The following CNTN5 variants were observed in gnomAD, a reference collection of about 807,000 sequenced individuals.
CNTN5 encodes the protein contactin 5, also known as contactin-5.
A neutral mutation model predicts 129.1 loss-of-function variants in CNTN5; 77 were observed. The ratio of observed to expected loss-of-function variants is 0.60; its 90% confidence interval spans 0.50 to 0.72. The LOEUF is 0.72. CNTN5 is among the 30% of genes least tolerant of loss of function. The pLI is 0.00. For missense variants in CNTN5, 1,478 were observed against 1,328.8 expected, an observed-to-expected ratio of 1.11 and a Z score of -1.75; for synonymous variants, 509 against 465.6, an observed-to-expected ratio of 1.09 and a Z score of -1.20.
intron 2 of CNTN5, among the ~76,000 whole-genome samples, chr11:99,374,742 TA>T (rs1301762772): frequency 6.6e-6 from 1 of 151,540 alleles, no homozygotes; most frequent in African/African-American, 2.4e-5. Context: ...GTCGGTGAGG[TA>T]AAAAGGAAAT....
intron 7 of CNTN5, among the ~76,000 whole-genome samples, chr11:99,933,592 C>T (rs566309850): frequency 6.6e-6 from 1 of 152,252 alleles, no homozygotes; most frequent in Admixed American, 6.5e-5. Context: ...TGAAGAAATT[C>T]TACAGTATGC....
intron 2 of CNTN5, among the ~76,000 whole-genome samples, chr11:99,485,318 G>C (rs1318079889): frequency 6.6e-6 from 1 of 151,972 alleles, no homozygotes; most frequent in Non-Finnish European, 1.5e-5. Context: ...AAGGATTTTA[G>C]GGGAATAGAA....
intron 23 of CNTN5, among the ~76,000 whole-genome samples, chr11:100,348,702 G>A (rs747662281): frequency 7.9e-5 from 12 of 151,920 alleles, no homozygotes; most frequent in East Asian, 1.9e-4. Flanking sequence ...TGCTCCAGAC[G>A]AAATCAAAAG....
At chr11:99,282,682 A>G (rs1591466254) in intron 1 of CNTN5, among the ~76,000 whole-genome samples, 1 of 152,216 alleles carries the variant, frequency 6.6e-6, no homozygotes, top group East Asian at 1.9e-4. Context: ...AACACAGAAA[A>G]GTTACCACTG....
At chr11:99,133,845 G>A (rs113089578) in intron 1 of CNTN5, among the ~76,000 whole-genome samples, 1 of 152,190 alleles carries the variant, frequency 6.6e-6, no homozygotes, top group African/African-American at 2.4e-5. Flanking sequence ...GGAAGACAAT[G>A]TGGTGATTCC....
chr11:100,165,518 AACTT>A (rs1316721202), intron 13 of CNTN5, among the ~76,000 whole-genome samples: 3 of 151,864 alleles, frequency 2.0e-5, no homozygotes, highest in African/African-American at 7.2e-5. Flanking sequence ...TGTTATTACT[AACTT>A]ACAGGAAGTA....
intron 3 of CNTN5, among the ~76,000 whole-genome samples, chr11:99,795,466 G>A (rs976509054): frequency 5.3e-5 from 8 of 152,120 alleles, no homozygotes; most frequent in Admixed American, 4.6e-4. Context: ...TGGGGAACTA[G>A]CATGATCATT....
intron 18 of CNTN5, among the ~76,000 whole-genome samples, chr11:100,273,403 T>C (rs1355547814): frequency 6.6e-6 from 1 of 152,050 alleles, no homozygotes; most frequent in Non-Finnish European, 1.5e-5. Flanking sequence ...GGTAGTACAG[T>C]CTGCTCCCCT....
intron 2 of CNTN5, among the ~76,000 whole-genome samples, chr11:99,493,491 C>T (rs750405611): frequency 7.9e-5 from 12 of 152,194 alleles, no homozygotes; most frequent in Non-Finnish European, 1.8e-4. Context: ...CAAGCCAATG[C>T]TGTCTAATTC....
chr11:99,958,911 C>T (rs1346979990), intron 8 of CNTN5, among the ~76,000 whole-genome samples: 1 of 152,048 alleles, frequency 6.6e-6, no homozygotes, highest in Non-Finnish European at 1.5e-5. Context: ...CACCAGAGAC[C>T]TCTTTCTACA....
intron 9 of CNTN5, among the ~76,000 whole-genome samples, chr11:100,059,543 C>A (rs1470643097): frequency 6.6e-6 from 1 of 151,916 alleles, no homozygotes; most frequent in Non-Finnish European, 1.5e-5. Flanking sequence ...AAAACATAAG[C>A]AAACATTTCA....
chr11:99,545,827 CT>C (rs2135508662), intron 2 of CNTN5, among the ~76,000 whole-genome samples: 1 of 152,306 alleles, frequency 6.6e-6, no homozygotes, highest in South Asian at 2.1e-4. Context: ...CCCAAGTCCC[CT>C]TTTCCGTAAG....
intron 6 of CNTN5, among the ~76,000 whole-genome samples, chr11:99,874,043 A>C (rs2135824225): frequency 6.6e-6 from 1 of 152,238 alleles, no homozygotes; most frequent in South Asian, 2.1e-4. Context: ...TAGAAAGAAT[A>C]GGCTCTGGGA....
At chr11:99,540,615 G>A (rs1282497139) in intron 2 of CNTN5, among the ~76,000 whole-genome samples, 1 of 152,142 alleles carries the variant, frequency 6.6e-6, no homozygotes, top group Non-Finnish European at 1.5e-5. Context: ...AAAATATAGA[G>A]CAGAAATAGA....
intron 9 of CNTN5, among the ~76,000 whole-genome samples, chr11:100,037,755 T>C (rs909809707): frequency 6.6e-6 from 1 of 152,208 alleles, no homozygotes; most frequent in Admixed American, 6.5e-5. Flanking sequence ...TTTATTTGTG[T>C]AGAGGTGTTT....
At chr11:99,976,768 C>G (rs894756899) in intron 8 of CNTN5, among the ~76,000 whole-genome samples, 2 of 152,224 alleles carry the variant, frequency 1.3e-5, no homozygotes, top group Admixed American at 1.3e-4. Context: ...TGTTATGGGA[C>G]AGGCTGCTGC....
At chr11:99,811,998 T>A (rs1485243673) in intron 3 of CNTN5, among the ~76,000 whole-genome samples, 3 of 152,098 alleles carry the variant, frequency 2.0e-5, no homozygotes, top group Non-Finnish European at 4.4e-5. Flanking sequence ...AGATGCTAAT[T>A]ATCCGTCCTG....
At chr11:100,307,518 A>G (rs1396617688) in intron 20 of CNTN5, among the ~76,000 whole-genome samples, 1 of 39,100 alleles carries the variant, frequency 2.6e-5, no homozygotes, top group Non-Finnish European at 3.8e-5. Flanking sequence ...GTGTATTTCA[A>G]AAAAAAAAAA....
chr11:99,113,543 A>T lies in CNTN5; in HGVS notation c.-210+92273A>T, dbSNP rs190773637. Among the ~76,000 whole-genome samples the T allele has an allele frequency of 2.3e-3, 354 of 152,228 alleles. 2 individuals carry two copies. The highest frequency in any genetic ancestry group is 3.4e-3 in the Middle Eastern group (1 of 294). On this transcript the variant is annotated intron_variant, in intron 1 of 24. Coordinates refer to ENST00000524871, the MANE Select transcript of CNTN5 (RefSeq NM_014361.4). ...GGAACCTTCTGAGGAATTATATAAA[A>T]TGCACCTCAGAATTGCCTATTTGAA...
Sources: allele counts gnomAD v4.1 joint callset (sites outside exome capture counted in the v4.1 genomes callset), GRCh38; gene constraint gnomAD v4.1.1; transcripts MANE v1.5; gene names NCBI Gene and HGNC (gene_info 2026-07-23, HGNC 2026-07-21).